SV2C: variants seen among roughly 807,000 people sequenced by gnomAD.
The protein encoded by SV2C is solute carrier family 22 member B3.
Under a neutral mutation model 79.7 loss-of-function variants are expected in SV2C, and 49 were observed. The ratio of observed to expected loss-of-function variants is 0.61; its 90% CI spans 0.49 to 0.78. The LOEUF is 0.78. Among genes scored for constraint, SV2C ranks in the 30% least tolerant of loss-of-function variants. The probability of loss-of-function intolerance (pLI) is 0.00; values close to 1 mark genes in which losing one functional copy is unlikely to be tolerated. For synonymous variants in SV2C, 334 were observed against 333.2 expected, an observed-to-expected ratio of 1.00 and a Z score of -0.03; for missense variants, 833 against 912.9, an observed-to-expected ratio of 0.91 and a Z score of 1.13.
At chr5:75,910,898 C>A in the SV2C span, 1 of 978,984 alleles carries the variant, frequency 1.0e-6, no homozygotes, top group Non-Finnish European at 1.6e-6. Flanking sequence ...GCAGAAGCAA[C>A]ATTCCAACAA....
Position 76,325,672 on chromosome 5 carries a change from C to A in SV2C, c.*125C>A. The A allele has an allele frequency of 7.4e-7, 1 of 1,345,422 alleles. No homozygotes were observed. Among genetic ancestry groups the A allele is most frequent in the Non-Finnish European group, 1.0e-6 (1 of 1,000,644 alleles). The allele number at this position is 1,345,422 out of a possible 1,614,324, so 83.3% of individuals were successfully genotyped here. A position where few individuals can be genotyped will look rare whatever the true frequency, so the allele number is the denominator to read the frequency against. On this transcript the variant is annotated 3_prime_UTR_variant, in exon 13 of 13. Transcript: ENST00000502798. ...TCAAGTATCAGAACATAAACACGTG[C>A]TGTGACTTAAAATTTAGAAGCATAT...
intron 1 of SV2C, among the ~76,000 whole-genome samples, chr5:76,105,773 G>A (rs1747889710): frequency 6.6e-6 from 1 of 152,114 alleles, no homozygotes. Flanking sequence ...AATTTCAAGT[G>A]AAATTGCAGT....
the SV2C span, among the ~76,000 whole-genome samples, chr5:75,960,726 G>A: frequency 6.6e-6 from 1 of 151,978 alleles, no homozygotes; most frequent in South Asian, 2.1e-4. Flanking sequence ...GTCTCAGAAA[G>A]TGTCCCTGTC....
intron 6 of SV2C, among the ~76,000 whole-genome samples, chr5:76,288,466 A>G (rs1334598307): frequency 6.6e-6 from 1 of 152,242 alleles, no homozygotes; most frequent in Non-Finnish European, 1.5e-5. Context: ...TAGATATACA[A>G]TAGAGGGGAA....
At chr5:76,283,045 TG>T (rs757387781) in intron 4 of SV2C, among the ~76,000 whole-genome samples, 3 of 151,794 alleles carry the variant, frequency 2.0e-5, no homozygotes, top group Non-Finnish European at 4.4e-5. Context: ...CTGGGCGCGG[TG>T]GCTCAGGCCT....
At chr5:76,244,835 T>C (rs1216202587) in intron 4 of SV2C, among the ~76,000 whole-genome samples, 2 of 152,228 alleles carry the variant, frequency 1.3e-5, no homozygotes, top group African/African-American at 4.8e-5. Context: ...TCAATACCAG[T>C]GGCTAGTGGC....
chr5:75,967,819 A>C, the SV2C span, among the ~76,000 whole-genome samples: 16 of 152,294 alleles, frequency 1.1e-4, no homozygotes, highest in African/African-American at 3.8e-4. Context: ...CTTTGAAGAG[A>C]GTAGTGGTTC....
rs889954072 is a variant in SV2C, at chr5:76,332,351, G to A, written c.*6804G>A. The stretch of plus-strand genomic sequence containing the variant: ...ACTAGGCAGCCTGCTCACAGGGGCT[G>A]GAGTCATCTAAAGCTAGTGATGAGC... On this transcript the variant is annotated 3_prime_UTR_variant, in exon 13 of 13. Coordinates refer to ENST00000502798, the MANE Select transcript of SV2C (RefSeq NM_014979.4). 4 of 152,134 alleles carry A rather than the reference G, an allele frequency of 2.6e-5. No homozygotes were observed. Among genetic ancestry groups the A allele is most frequent in the African/African-American group, 9.7e-5 (4 of 41,416 alleles). 9.4% of individuals were successfully genotyped at this position (152,134 alleles called of 1,614,324 possible).
chr5:75,881,947 C>A, the SV2C span, among the ~76,000 whole-genome samples: 1 of 147,632 alleles, frequency 6.8e-6, no homozygotes, highest in Non-Finnish European at 1.5e-5. Context: ...TCATAGATAG[C>A]TCTTATTATT....
chr5:75,901,525 A>G, the SV2C span, among the ~76,000 whole-genome samples: 20 of 152,264 alleles, frequency 1.3e-4, no homozygotes, highest in African/African-American at 4.6e-4. Flanking sequence ...TAGGCTGCTC[A>G]GGGGTCAGGG....
At chr5:75,849,044 C>G in the SV2C span, among the ~76,000 whole-genome samples, 12 of 152,184 alleles carry the variant, frequency 7.9e-5, no homozygotes, top group African/African-American at 2.9e-4. Flanking sequence ...CTCATCCCCA[C>G]CCCCACCAGC....
intron 4 of SV2C, among the ~76,000 whole-genome samples, chr5:76,267,819 G>T (rs1334601713): frequency 6.6e-6 from 1 of 152,228 alleles, no homozygotes; most frequent in Non-Finnish European, 1.5e-5. Context: ...AAGAGCCTGG[G>T]CTGAGACACA....
At chr5:76,205,574 A>G (rs1241272939) in intron 3 of SV2C, among the ~76,000 whole-genome samples, 1 of 152,206 alleles carries the variant, frequency 6.6e-6, no homozygotes, top group African/African-American at 2.4e-5. Context: ...TCCATTAAAT[A>G]TAACTTGAAA....
At chr5:76,185,546 G>T (rs1743887433) in intron 2 of SV2C, among the ~76,000 whole-genome samples, 1 of 152,220 alleles carries the variant, frequency 6.6e-6, no homozygotes, top group Non-Finnish European at 1.5e-5. Flanking sequence ...TGACTTCTGT[G>T]CATCCCCAGG....
At chr5:76,136,751 T>A (rs1749083873) in intron 2 of SV2C, among the ~76,000 whole-genome samples, 1 of 152,184 alleles carries the variant, frequency 6.6e-6, no homozygotes, top group African/African-American at 2.4e-5. Context: ...TTTTGAGAGC[T>A]GGACAAGAGT....
chr5:76,198,111 A>C (rs1175831013), intron 3 of SV2C, among the ~76,000 whole-genome samples: 2 of 152,034 alleles, frequency 1.3e-5, no homozygotes, highest in African/African-American at 2.4e-5. Context: ...GAACTTCTCC[A>C]CTCAGTTTAC....
chr5:76,011,216 G>A, the SV2C span, among the ~76,000 whole-genome samples: 1 of 152,076 alleles, frequency 6.6e-6, no homozygotes, highest in Non-Finnish European at 1.5e-5. Flanking sequence ...GTTTTATGTT[G>A]AGTTGAGTTT....
the SV2C span, among the ~76,000 whole-genome samples, chr5:75,929,778 ACT>A: frequency 6.6e-6 from 1 of 152,046 alleles, no homozygotes; most frequent in Non-Finnish European, 1.5e-5. Context: ...GTAGTTTTAT[ACT>A]CTGTTTCCAG....
At chr5:76,013,654 A>G in the SV2C span, among the ~76,000 whole-genome samples, 1 of 152,160 alleles carries the variant, frequency 6.6e-6, no homozygotes, top group African/African-American at 2.4e-5. Context: ...TACCCTAAAC[A>G]TAGTGAAAAG....
Sources: gnomAD v4.1 joint callset for allele counts (sites outside exome capture counted in the v4.1 genomes callset) on GRCh38, gnomAD v4.1.1 for gene constraint, MANE v1.5 for transcripts, NCBI Gene and HGNC (gene_info 2026-07-23, HGNC 2026-07-21) for gene names.